The following GOLT1B variants were observed in gnomAD, a reference collection of about 807,000 sequenced individuals.
The protein encoded by GOLT1B is golgi transport 1B.
GOLT1B carries 3 observed loss-of-function variants against 15.4 expected under a neutral mutation model. The observed-to-expected ratio is 0.19, with a 90% CI of 0.09 to 0.50. The LOEUF (loss-of-function observed/expected upper bound fraction) is 0.50. GOLT1B is among the 20% of genes least tolerant of loss of function. The pLI, the probability that GOLT1B is intolerant of heterozygous loss-of-function variation, is 0.97. For missense variants in GOLT1B, 145 were observed against 160.4 expected (o/e 0.90, Z 0.52); for synonymous variants, 65 against 56.2 (o/e 1.16, Z -0.70).
Position 21,518,043 on chromosome 12 carries a change from G to A in GOLT1B, c.*2336G>A, listed in dbSNP as rs1023179276. 1.3e-5 allele frequency: 2 copies of A among 152,480 alleles called. No homozygotes were observed. The highest frequency in any genetic ancestry group is 6.6e-5 in the Admixed American group (1 of 15,266). 9.4% of individuals were successfully genotyped at this position (152,480 alleles called of 1,614,324 possible). A position where few individuals can be genotyped will look rare whatever the true frequency, so the allele number is the denominator to read the frequency against. On this transcript the variant is annotated 3_prime_UTR_variant, in exon 5 of 5. Transcript: ENST00000229314. ...TGTTTTTCTTTTCCCCTTATAAATT[G>A]TAATTCCTGAAATACTGCTGCTTTA... is the stretch of plus-strand genomic sequence containing the variant.
chr12:21,505,901 C>G (rs1591760633), intron 1 of GOLT1B, among the ~76,000 whole-genome samples: 1 of 152,102 alleles, frequency 6.6e-6, no homozygotes, highest in East Asian at 1.9e-4. Flanking sequence ...GTGAATTGTG[C>G]TTTATAACAT....
chr12:21,506,733 C>T, intron 1 of GOLT1B, 152 bp from the exon 2 acceptor site: 1 of 439,152 alleles, frequency 2.3e-6, no homozygotes. Context: ...GTTATAAGAG[C>T]TAAATAAATG....
At chr12:21,502,208 T>C (rs752642886) in intron 1 of GOLT1B, among the ~76,000 whole-genome samples, 1 of 152,004 alleles carries the variant, frequency 6.6e-6, no homozygotes, top group Non-Finnish European at 1.5e-5. Context: ...TAGCCCAGAG[T>C]CTGTCTCATT....
Position 21,501,875 on chromosome 12 carries a change from A to G in GOLT1B, c.-49A>G, listed in dbSNP as rs757650851. On this transcript the variant is annotated 5_prime_UTR_variant, in exon 1 of 5. Coordinates refer to ENST00000229314, the MANE Select transcript of GOLT1B (RefSeq NM_016072.5). ...TTCATTTCTCCCGACTCAGCTTCCCACCCTGGGCTTTCCGAGGTGCTGTCG... is the reference window on the plus strand; with the variant it reads ...TTCATTTCTCCCGACTCAGCTTCCCGCCCTGGGCTTTCCGAGGTGCTGTCG... 5 of 1,410,544 alleles carry G rather than the reference A, an allele frequency of 3.5e-6. No homozygotes were observed. Among genetic ancestry groups the G allele is most frequent in the Non-Finnish European group, 4.0e-6 (4 of 995,300 alleles). 87.4% of individuals were successfully genotyped at this position (1,410,544 alleles called of 1,614,324 possible).
intron 3 of GOLT1B, among the ~76,000 whole-genome samples, chr12:21,511,110 T>C (rs1486186013): frequency 6.6e-6 from 1 of 152,174 alleles, no homozygotes; most frequent in East Asian, 1.9e-4. Flanking sequence ...CCACTCCCAA[T>C]GATGCCAGCC....
Position 21,507,534 on chromosome 12 carries a change from A to G in GOLT1B, c.117+558A>G, listed in dbSNP as rs1275934890. ...ACTGTATGTGTGTGTGTGTGTATATATATATATACACACACACATATATAT... is the reference window on the plus strand; with the variant it reads ...ACTGTATGTGTGTGTGTGTGTATATGTATATATACACACACACATATATAT... On this transcript the variant is annotated intron_variant, in intron 2 of 4. Transcript: ENST00000229314. 9.3e-3 allele frequency among the ~76,000 whole-genome samples: 562 copies of G among 60,230 alleles called. 3 individuals carry two copies. Among genetic ancestry groups the G allele is most frequent in the African/African-American group, 0.031 (456 of 14,584 alleles). The allele number at this position is 60,230 out of a possible 152,430, so 39.5% of individuals were successfully genotyped here.
At chr12:21,515,215 G>C in intron 4 of GOLT1B, 1 of 1,319,842 alleles carries the variant, frequency 7.6e-7, no homozygotes, top group South Asian at 1.3e-5. Context: ...GAACTTAATG[G>C]AGTTAAATCT....
At chr12:21,514,697 AC>A (rs1943743491) in intron 4 of GOLT1B, among the ~76,000 whole-genome samples, 1 of 152,176 alleles carries the variant, frequency 6.6e-6, no homozygotes, top group African/African-American at 2.4e-5. Context: ...TGTTATTTAT[AC>A]CTAGAATGGC....
chr12:21,506,233 A>G (rs1463794809), intron 1 of GOLT1B, among the ~76,000 whole-genome samples: 2 of 152,136 alleles, frequency 1.3e-5, no homozygotes, highest in Non-Finnish European at 2.9e-5. Context: ...AAGTAGATTT[A>G]TAGTTTAGGT....
At position 21,516,535 on chromosome 12, in the gene GOLT1B, T is replaced by C. The variant is rs1160240744; in HGVS notation, c.*828T>C. 1 of 152,132 alleles carries C rather than the reference T, an allele frequency of 6.6e-6. No individual in the cohort carries two copies. The highest frequency in any genetic ancestry group is 1.5e-5 in the Non-Finnish European group (1 of 67,942). The allele number at this position is 152,132 out of a possible 1,614,324, so 9.4% of individuals were successfully genotyped here. On this transcript the variant is annotated 3_prime_UTR_variant, in exon 5 of 5. Coordinates refer to ENST00000229314, the MANE Select transcript of GOLT1B (RefSeq NM_016072.5). ...AGCTTGTCTCATTGAATAGTATTAT[T>C]GAAGATACTAAATGATGCAAACCAA... is the stretch of plus-strand genomic sequence containing the variant.
rs777701991 is a variant in GOLT1B at position 21,515,746 on chromosome 12, T to G, written c.*39T>G. On this transcript the variant is annotated 3_prime_UTR_variant, in exon 5 of 5. Coordinates refer to ENST00000229314, the MANE Select transcript of GOLT1B (RefSeq NM_016072.5). Reference sequence around the variant, plus strand: ...TGAAGACTCATTTAAAATATTGTGTTATTTATAAAGTCATTTGAAGAATAT... The same window carrying G: ...TGAAGACTCATTTAAAATATTGTGTGATTTATAAAGTCATTTGAAGAATAT... 4.4e-6 allele frequency: 4 copies of G among 902,444 alleles called. No homozygotes were observed. Among genetic ancestry groups the G allele is most frequent in the Non-Finnish European group, 5.4e-6 (3 of 555,256 alleles). 55.9% of individuals were successfully genotyped at this position (902,444 alleles called of 1,614,324 possible). A position where few individuals can be genotyped will look rare whatever the true frequency, so the allele number is the denominator to read the frequency against.
chr12:21,512,400 G>C, intron 4 of GOLT1B, 24 bp downstream of exon 4: 2 of 1,075,352 alleles, frequency 1.9e-6, no homozygotes, highest in Non-Finnish European at 2.9e-6. Flanking sequence ...TATATTTTAG[G>C]CCAACAAAAT....
chr12:21,510,684 C>T (rs1029912686), intron 3 of GOLT1B, among the ~76,000 whole-genome samples: 1 of 152,062 alleles, frequency 6.6e-6, no homozygotes, highest in African/African-American at 2.4e-5. Context: ...AATAAATGAT[C>T]TTTTGAATTC....
At chr12:21,511,937 T>C (rs1943722818) in intron 3 of GOLT1B, among the ~76,000 whole-genome samples, 1 of 152,194 alleles carries the variant, frequency 6.6e-6, no homozygotes, top group South Asian at 2.1e-4. Flanking sequence ...TAACTAAATG[T>C]TTTGACCCTT....
In GOLT1B at chr12:21,516,440, A is replaced by G. The variant is rs147046105; in HGVS notation, c.*733A>G. On this transcript the variant is annotated 3_prime_UTR_variant, in exon 5 of 5. Transcript: ENST00000229314. ...AGTCTGCCCTCCTAAGTATCTGTCT[A>G]TATCATTCATTACGTGTAAGTATTT... 3 of 152,230 alleles carry G rather than the reference A, an allele frequency of 2.0e-5. No individual in the cohort carries two copies. The highest frequency in any genetic ancestry group is 7.2e-5 in the African/African-American group (3 of 41,552). The allele number at this position is 152,230 out of a possible 1,614,324, so 9.4% of individuals were successfully genotyped here. A position where few individuals can be genotyped will look rare whatever the true frequency, so the allele number is the denominator to read the frequency against.
At chr12:21,511,447 T>G (rs1943719100) in intron 3 of GOLT1B, among the ~76,000 whole-genome samples, 1 of 151,660 alleles carries the variant, frequency 6.6e-6, no homozygotes, top group Non-Finnish European at 1.5e-5. Flanking sequence ...TAGGCATGAT[T>G]GATTAAATTA....
intron 3 of GOLT1B, among the ~76,000 whole-genome samples, chr12:21,511,611 C>T (rs896777153): frequency 6.6e-6 from 1 of 152,174 alleles, no homozygotes; most frequent in African/African-American, 2.4e-5. Context: ...TTGATGATAA[C>T]TCATTAGTAT....
At chr12:21,507,130 C>T in intron 2 of GOLT1B, 154 bp downstream of exon 2, 1 of 661,660 alleles carries the variant, frequency 1.5e-6, no homozygotes, top group Non-Finnish European at 2.8e-6. Flanking sequence ...TGAAACCTGT[C>T]AGCTTTCTGT....
chr12:21,515,580 G>A, intron 4 of GOLT1B, 89 bp from the exon 5 acceptor site: 4 of 739,166 alleles, frequency 5.4e-6, no homozygotes, highest in Non-Finnish European at 9.4e-6. Context: ...TGTAAGGCTG[G>A]GTTTTTAAAA....
Sources: gnomAD v4.1 joint callset for allele counts (sites outside exome capture counted in the v4.1 genomes callset) on GRCh38, gnomAD v4.1.1 for gene constraint, MANE v1.5 for transcripts, NCBI Gene and HGNC (gene_info 2026-07-23, HGNC 2026-07-21) for gene names.